The following PDE7A variants were observed in gnomAD, a reference collection of about 807,000 sequenced individuals.
PDE7A encodes the protein phosphodiesterase 7A, also known as high affinity 3',5'-cyclic-AMP phosphodiesterase 7A.
Under a neutral mutation model 64.3 loss-of-function variants are expected in PDE7A, and 39 were observed. That is an observed-to-expected ratio of 0.61 (90% CI 0.47 to 0.79). The LOEUF (loss-of-function observed/expected upper bound fraction) is 0.79, where lower values mean the gene tolerates loss of function less well. Among genes scored for constraint, PDE7A ranks in the 30% least tolerant of loss-of-function variants. PDE7A has a pLI of 0.00. For synonymous variants in PDE7A, 203 were observed against 206.8 expected, an observed-to-expected ratio of 0.98 and a Z score of 0.16; for missense variants, 470 against 582.8, an observed-to-expected ratio of 0.81 and a Z score of 1.99.
intron 1 of PDE7A, among the ~76,000 whole-genome samples, chr8:65,811,077 A>G (rs939674899): frequency 2.0e-5 from 3 of 152,218 alleles, no homozygotes; most frequent in Non-Finnish European, 2.9e-5. Context: ...CTATTGAAGG[A>G]TAGAGAAGAC....
intron 1 of PDE7A, among the ~76,000 whole-genome samples, chr8:65,829,713 A>T (rs915043492): frequency 6.6e-6 from 1 of 152,150 alleles, no homozygotes; most frequent in South Asian, 2.1e-4. Flanking sequence ...GGAATTATTT[A>T]TAAAGTCCCT....
chr8:65,739,506 A>T lies in PDE7A; in HGVS notation c.591T>A (p.Phe197Leu), dbSNP rs1807307175. The change falls in exon 6 of 13, where the codon TTT becomes TTA. Residue 197 changes from phenylalanine (F) to leucine (L), a missense_variant. Physicochemically the swap from Phe to Leu is conservative, Grantham distance 22. Transcript: ENST00000401827. The stretch of plus-strand genomic sequence containing the variant: ...TAATGGGTTAGAATCACTTACCTAA[A>T]AATCTACGAAGTTTCATCATATCTA... ...FHLDMMKLRRFLVMIQEDYHS... is the reference protein window; with the variant it reads ...FHLDMMKLRRLLVMIQEDYHS... The T allele has an allele frequency of 6.4e-7, 1 of 1,554,666 alleles. No homozygotes were observed. Among genetic ancestry groups the T allele is most frequent in the African/African-American group, 1.4e-5 (1 of 71,506 alleles).
intron 1 of PDE7A, among the ~76,000 whole-genome samples, chr8:65,798,882 T>C (rs914369491): frequency 6.6e-6 from 1 of 152,192 alleles, no homozygotes; most frequent in African/African-American, 2.4e-5. Context: ...AATTGTGGCA[T>C]ATCCATACAA....
chr8:65,771,070 C>A, intron 3 of PDE7A: 1 of 372,174 alleles, frequency 2.7e-6, no homozygotes, highest in Non-Finnish European at 5.3e-6. Context: ...CACAATAATT[C>A]ATGGTAGGAA....
chr8:65,841,303 G>A, intron 1 of PDE7A, 68 bp downstream of exon 1: 10 of 1,409,754 alleles, frequency 7.1e-6, no homozygotes, highest in Non-Finnish European at 8.4e-6. Context: ...TAGAGGAGGT[G>A]AAGCTGGGTG....
chr8:65,818,756 G>A (rs903236417), intron 1 of PDE7A, among the ~76,000 whole-genome samples: 2 of 152,202 alleles, frequency 1.3e-5, no homozygotes, highest in Non-Finnish European at 2.9e-5. Flanking sequence ...CACATGCACA[G>A]CCTCATCCAG....
intron 3 of PDE7A, among the ~76,000 whole-genome samples, chr8:65,751,759 T>C (rs1007184305): frequency 6.6e-6 from 1 of 152,246 alleles, no homozygotes; most frequent in African/African-American, 2.4e-5. Context: ...CCCAAAATGC[T>C]GGGATTACAG....
intron 7 of PDE7A, chr8:65,728,644 G>C (rs1265695636): frequency 8.3e-6 from 1 of 120,546 alleles, no homozygotes; most frequent in East Asian, 2.1e-4. Flanking sequence ...AGGATATAAA[G>C]CATACTGCAT....
rs534341812 is a variant in PDE7A, at chr8:65,724,705, G to C, written c.1065+72C>G. The C allele has an allele frequency of 3.8e-6, 5 of 1,315,138 alleles. No individual in the cohort carries two copies. In the South Asian group the frequency reaches 6.9e-5, roughly 18 times the overall value. 81.5% of individuals were successfully genotyped at this position (1,315,138 alleles called of 1,614,324 possible). A position where few individuals can be genotyped will look rare whatever the true frequency, so the allele number is the denominator to read the frequency against. On this transcript the variant is annotated intron_variant, in intron 10 of 12. Coordinates refer to ENST00000401827, the MANE Select transcript of PDE7A (RefSeq NM_001242318.3). Reference sequence around the variant, plus strand: ...TTAACCATTCTGAAAAACTACACTAGAATATTCATTTTTTAGTTTGACAGT... The same window carrying C: ...TTAACCATTCTGAAAAACTACACTACAATATTCATTTTTTAGTTTGACAGT...
chr8:65,753,485 G>C (rs962949295), intron 3 of PDE7A, among the ~76,000 whole-genome samples: 2 of 152,182 alleles, frequency 1.3e-5, no homozygotes, highest in Non-Finnish European at 2.9e-5. Flanking sequence ...GAAATAATTA[G>C]CTTTGTACTT....
At chr8:65,824,800 C>A (rs114386632) in intron 1 of PDE7A, among the ~76,000 whole-genome samples, 1 of 152,128 alleles carries the variant, frequency 6.6e-6, no homozygotes, top group Non-Finnish European at 1.5e-5. Flanking sequence ...TACAGTACAG[C>A]GCAAACATAA....
intron 3 of PDE7A, among the ~76,000 whole-genome samples, chr8:65,760,794 G>C (rs1481027298): frequency 1.3e-5 from 2 of 152,150 alleles, no homozygotes; most frequent in African/African-American, 4.8e-5. Context: ...AAGGAAGGAG[G>C]GTAGTGCTGG....
intron 1 of PDE7A, 89 bp from the exon 2 acceptor site, chr8:65,782,932 T>C: frequency 1.3e-6 from 1 of 762,744 alleles, no homozygotes; most frequent in Non-Finnish European, 2.2e-6. Flanking sequence ...ATTTATTATT[T>C]GTGAAGCACT....
intron 9 of PDE7A, 113 bp from the exon 10 acceptor site, chr8:65,725,034 C>T: frequency 1.9e-6 from 1 of 520,114 alleles, no homozygotes; most frequent in East Asian, 3.4e-5. Flanking sequence ...AAATATCCAA[C>T]TATCATTCAA....
chr8:65,788,985 G>C lies in PDE7A; in HGVS notation c.139-6142C>G, dbSNP rs762467531. The C allele has an allele frequency of 1.1e-5, 18 of 1,603,778 alleles. No individual in the cohort carries two copies. In the Middle Eastern group the frequency reaches 6.6e-4, roughly 59 times the overall value. On this transcript the variant is annotated intron_variant, in intron 1 of 12. Coordinates refer to ENST00000401827, the MANE Select transcript of PDE7A (RefSeq NM_001242318.3). ...GCTGCATAATCTCTCTCTTCTACTA[G>C]GGAGCAAGGAAAACTTCTTAGGAGT...
chr8:65,780,339 T>TA (rs1283074455), intron 2 of PDE7A, among the ~76,000 whole-genome samples: 2 of 152,226 alleles, frequency 1.3e-5, no homozygotes, highest in African/African-American at 4.8e-5. Flanking sequence ...CATAGATGTG[T>TA]AAAAACTTAA....
At chr8:65,834,452 T>C (rs914220567) in intron 1 of PDE7A, among the ~76,000 whole-genome samples, 9 of 152,204 alleles carry the variant, frequency 5.9e-5, no homozygotes, top group Admixed American at 2.0e-4. Flanking sequence ...ATGTGGATTT[T>C]TGACTGCACG....
chr8:65,777,279 A>G (rs1408006257), intron 3 of PDE7A, among the ~76,000 whole-genome samples: 3 of 151,760 alleles, frequency 2.0e-5, no homozygotes, highest in African/African-American at 4.8e-5. Flanking sequence ...GGGTTTCTCT[A>G]TGTTGGTCAG....
At chr8:65,754,951 G>T (rs1224457968) in intron 3 of PDE7A, among the ~76,000 whole-genome samples, 1 of 150,434 alleles carries the variant, frequency 6.6e-6, no homozygotes, top group Non-Finnish European at 1.5e-5. Flanking sequence ...GCGACAGAGC[G>T]AGACTCCCTC....
Sources: gnomAD v4.1 joint callset for allele counts (sites outside exome capture counted in the v4.1 genomes callset) on GRCh38, gnomAD v4.1.1 for gene constraint, MANE v1.5 for transcripts, NCBI Gene and HGNC (gene_info 2026-07-23, HGNC 2026-07-21) for gene names.